Variants in STIM2 observed in about 807,000 individuals in gnomAD.
The protein encoded by STIM2 is stromal interaction molecule 2.
In STIM2, 31 loss-of-function variants were observed where a neutral mutation model predicts 85.8. That is an observed-to-expected ratio of 0.36 (90% CI 0.27 to 0.49). The LOEUF is 0.49. Among genes scored for constraint, STIM2 ranks in the 20% least tolerant of loss-of-function variants. The pLI is 0.98. For missense variants in STIM2, 841 were observed against 927.6 expected (o/e 0.91, Z 1.21); for synonymous variants, 356 against 331.1 (o/e 1.08, Z -0.82).
intron 7 of STIM2, 78 bp from the exon 8 acceptor site, chr4:27,007,455 A>G: frequency 2.6e-6 from 2 of 762,172 alleles, no homozygotes; most frequent in Non-Finnish European, 3.6e-6. Flanking sequence ...TTTTTTTTTT[A>G]GTTTGGGTTC....
intron 1 of STIM2, among the ~76,000 whole-genome samples, chr4:26,915,879 T>C (rs1724559388): frequency 6.6e-6 from 1 of 152,210 alleles, no homozygotes; most frequent in Non-Finnish European, 1.5e-5. Flanking sequence ...TGACGTATTA[T>C]AGGCACTGCA....
intron 2 of STIM2, among the ~76,000 whole-genome samples, chr4:26,921,214 G>C (rs1014358583): frequency 1.3e-5 from 2 of 152,176 alleles, no homozygotes; most frequent in Admixed American, 6.5e-5. Flanking sequence ...AAGGATTGCT[G>C]CCAATACCAG....
At chr4:26,985,847 A>T (rs943129616) in intron 3 of STIM2, among the ~76,000 whole-genome samples, 1 of 152,246 alleles carries the variant, frequency 6.6e-6, no homozygotes, top group African/African-American at 2.4e-5. Context: ...TGACATTACT[A>T]ATGTTTTTAA....
At chr4:26,896,685 C>T (rs570572813) in intron 1 of STIM2, among the ~76,000 whole-genome samples, 1 of 152,028 alleles carries the variant, frequency 6.6e-6, no homozygotes, top group Non-Finnish European at 1.5e-5. Context: ...TTATCAAAAC[C>T]GGGGAAAACT....
In STIM2 at chr4:27,022,756, A is replaced by G; in HGVS notation, c.2001A>G (p.Ala667=). ...CTAAGAGTATGATCTTCAGTCCTGCAAGCAAAGTGTACAATGGCATTTTGG... is the reference window on the plus strand; with the variant it reads ...CTAAGAGTATGATCTTCAGTCCTGCGAGCAAAGTGTACAATGGCATTTTGG... The change falls in exon 12 of 12, where the codon GCA becomes GCG. Residue 667 remains alanine (A), a synonymous_variant. Transcript: ENST00000467087. The G allele has an allele frequency of 2.5e-6, 4 of 1,614,216 alleles. No homozygotes were observed. The highest frequency in any genetic ancestry group is 2.5e-6 in the Non-Finnish European group (3 of 1,180,034).
intron 10 of STIM2, 112 bp from the exon 11 acceptor site, chr4:27,017,599 G>A (rs1207948511): frequency 2.3e-6 from 3 of 1,327,942 alleles, no homozygotes; most frequent in Non-Finnish European, 3.2e-6. Flanking sequence ...AGTAAAGGGA[G>A]ATGAAACAGT....
intron 2 of STIM2, among the ~76,000 whole-genome samples, chr4:26,928,649 C>T (rs1271419436): frequency 1.3e-5 from 2 of 152,142 alleles, no homozygotes; most frequent in African/African-American, 4.8e-5. Flanking sequence ...GCTTGGATGA[C>T]AGGCATGCAC....
intron 3 of STIM2, among the ~76,000 whole-genome samples, chr4:26,981,728 A>G (rs1455331821): frequency 1.3e-5 from 2 of 152,138 alleles, no homozygotes; most frequent in Non-Finnish European, 2.9e-5. Flanking sequence ...CAAAAACATC[A>G]CTTTTGTAGT....
intron 1 of STIM2, among the ~76,000 whole-genome samples, chr4:26,891,017 A>G (rs1486683338): frequency 1.3e-5 from 2 of 152,164 alleles, no homozygotes; most frequent in Non-Finnish European, 2.9e-5. Context: ...GTGGCACAGC[A>G]GCTTACAATG....
At chr4:26,884,251 C>T (rs986000529) in intron 1 of STIM2, among the ~76,000 whole-genome samples, 1 of 152,156 alleles carries the variant, frequency 6.6e-6, no homozygotes, top group Non-Finnish European at 1.5e-5. Context: ...AACATGTGTT[C>T]TCCAGTAAAA....
Position 26,927,818 on chromosome 4 carries a change from TA to T in STIM2, c.282+8189del, listed in dbSNP as rs989148476. Reference sequence around the variant, plus strand: ...AATATAATGTAATTATAAAATCTATTAAAAATATGTAATTATATAAATTATA... The same window carrying T: ...AATATAATGTAATTATAAAATCTATTAAAATATGTAATTATATAAATTATA... On this transcript the variant is annotated intron_variant, in intron 2 of 11. Transcript: ENST00000467087. Among the ~76,000 whole-genome samples, 51 of 145,432 alleles carry T rather than the reference TA, an allele frequency of 3.5e-4. No individual in the cohort carries two copies. In the East Asian group the frequency reaches 6.7e-3, roughly 19 times the overall value.
At chr4:26,890,552 C>T (rs35015319) in intron 1 of STIM2, among the ~76,000 whole-genome samples, 13,246 of 152,090 alleles carry the variant, frequency 0.087, 712 homozygotes, top group East Asian at 0.19. Flanking sequence ...GGAGAGTACT[C>T]GGTGGCTCAC....
At chr4:27,020,867 T>G in intron 11 of STIM2, 1 of 723,482 alleles carries the variant, frequency 1.4e-6, no homozygotes, top group South Asian at 2.0e-5. Context: ...AGCTGCTGGG[T>G]TATAATCATA....
chr4:27,016,982 A>T, intron 10 of STIM2, among the ~76,000 whole-genome samples: 2 of 152,206 alleles, frequency 1.3e-5, no homozygotes, highest in African/African-American at 4.8e-5. Context: ...ATGCTATAGC[A>T]TCTGAACCAT....
intron 3 of STIM2, among the ~76,000 whole-genome samples, chr4:26,970,118 C>G (rs1045120440): frequency 7.3e-5 from 11 of 150,008 alleles, no homozygotes; most frequent in African/African-American, 2.7e-4. Context: ...CAATGTCTGA[C>G]TTACTGGAGT....
intron 1 of STIM2, among the ~76,000 whole-genome samples, chr4:26,918,247 A>C (rs1397702139): frequency 8.5e-6 from 1 of 118,334 alleles, no homozygotes; most frequent in African/African-American, 3.1e-5. Flanking sequence ...TTTTTTTTTT[A>C]GAAAATAAAA....
intron 2 of STIM2, among the ~76,000 whole-genome samples, chr4:26,951,526 C>G (rs1433550592): frequency 1.3e-5 from 2 of 152,002 alleles, no homozygotes; most frequent in African/African-American, 4.8e-5. Context: ...TGTGTTCATG[C>G]CTTGTGTTCA....
At chr4:26,861,652 C>G in intron 1 of STIM2, 2 of 279,760 alleles carry the variant, frequency 7.1e-6, no homozygotes, top group Non-Finnish European at 1.3e-5. Flanking sequence ...GTTTCTCTTT[C>G]GTGCTGCAGA....
chr4:26,921,287 GGACACATT>G (rs772674983), intron 2 of STIM2, among the ~76,000 whole-genome samples: 13 of 152,222 alleles, frequency 8.5e-5, no homozygotes, highest in Non-Finnish European at 1.9e-4. Flanking sequence ...ATGATTCTGT[GGACACATT>G]GATTTTGAAC....
Sources: allele counts gnomAD v4.1 joint callset (sites outside exome capture counted in the v4.1 genomes callset), GRCh38; gene constraint gnomAD v4.1.1; transcripts MANE v1.5; gene names NCBI Gene and HGNC (gene_info 2026-07-23, HGNC 2026-07-21).